The following RBFOX1 variants were observed in gnomAD, a reference collection of about 807,000 sequenced individuals.
RBFOX1 encodes the protein RNA binding protein fox-1 homolog 1.
A neutral mutation model predicts 57.7 loss-of-function variants in RBFOX1; 8 were observed. That is an observed-to-expected ratio of 0.14 (90% CI 0.08 to 0.25). RBFOX1 has a LOEUF of 0.25. Among genes scored for constraint, RBFOX1 ranks in the 10% least tolerant of loss-of-function variants. The pLI, the probability that RBFOX1 is intolerant of heterozygous loss-of-function variation, is 1.00. For synonymous variants in RBFOX1, 326 were observed against 222.4 expected (o/e 1.47, Z -4.15); for missense variants, 611 against 548.5 (o/e 1.11, Z -1.14).
intron 1 of RBFOX1, chr16:6,059,102 A>G (rs2095652919): frequency 1.3e-5 from 2 of 152,252 alleles, no homozygotes; most frequent in Admixed American, 6.5e-5. Flanking sequence ...TGTGACAGTC[A>G]TAATTTGCAT....
intron 3 of RBFOX1, among the ~76,000 whole-genome samples, chr16:6,736,839 A>G (rs539987106): frequency 6.6e-6 from 1 of 152,278 alleles, no homozygotes; most frequent in Non-Finnish European, 1.5e-5. Flanking sequence ...AGATGTGGAT[A>G]CCCTGGAAAG....
intron 1 of RBFOX1, among the ~76,000 whole-genome samples, chr16:5,313,169 A>G (rs2064137740): frequency 6.6e-6 from 1 of 152,156 alleles, no homozygotes; most frequent in Non-Finnish European, 1.5e-5. Flanking sequence ...CCGGGCAGGG[A>G]TGCTCATTAC....
At chr16:7,100,918 A>T (rs2062580426) in intron 4 of RBFOX1, among the ~76,000 whole-genome samples, 2 of 152,228 alleles carry the variant, frequency 1.3e-5, no homozygotes, top group Admixed American at 1.3e-4. Flanking sequence ...CTTTGCAAGT[A>T]CAAGGGATTT....
At position 6,483,443 on chromosome 16, in the gene RBFOX1, A is replaced by T. The variant is rs530831814; in HGVS notation, c.-64+166386A>T. The stretch of plus-strand genomic sequence containing the variant: ...TGGGTGCCGTTTGCTGTTGCCTCGG[A>T]CTTCTCCCGTGCTGTGTTTTCCCGG... On this transcript the variant is annotated intron_variant, in intron 2 of 15. Coordinates refer to ENST00000550418, the MANE Select transcript of RBFOX1 (RefSeq NM_018723.4). The T allele has an allele frequency of 9.1e-5, 139 of 1,535,604 alleles. No homozygotes were observed. In the Admixed American group the frequency reaches 1.1e-3, roughly 12 times the overall value.
At chr16:6,511,879 C>T (rs1298892611) in intron 2 of RBFOX1, among the ~76,000 whole-genome samples, 1 of 152,038 alleles carries the variant, frequency 6.6e-6, no homozygotes, top group Non-Finnish European at 1.5e-5. Flanking sequence ...GAAACCAGTG[C>T]CTGTGCAGCT....
intron 2 of RBFOX1, among the ~76,000 whole-genome samples, chr16:6,351,372 A>ATAT (rs1199701253): frequency 0.015 from 1,273 of 86,314 alleles, 31 homozygotes; most frequent in African/African-American, 0.037. Flanking sequence ...ATATATATAT[A>ATAT]TTTTTTTTTT....
chr16:7,190,772 T>C (rs1184712535), intron 4 of RBFOX1, among the ~76,000 whole-genome samples: 1 of 152,222 alleles, frequency 6.6e-6, no homozygotes, highest in Non-Finnish European at 1.5e-5. Flanking sequence ...AATTCGGGTT[T>C]ATGGCATTGC....
At chr16:6,554,625 G>A (rs762973604) in intron 2 of RBFOX1, among the ~76,000 whole-genome samples, 1 of 152,082 alleles carries the variant, frequency 6.6e-6, no homozygotes, top group Admixed American at 6.6e-5. Flanking sequence ...AGGTATGGCC[G>A]AATGGGCTTG....
chr16:7,122,808 A>G (rs998713193), intron 4 of RBFOX1, among the ~76,000 whole-genome samples: 12 of 152,204 alleles, frequency 7.9e-5, no homozygotes, highest in African/African-American at 1.7e-4. Flanking sequence ...AACAAGCCAT[A>G]TGTCTTCAAA....
At chr16:5,931,331 G>T (rs542576194) in intron 4 of RBFOX1, among the ~76,000 whole-genome samples, 1 of 152,094 alleles carries the variant, frequency 6.6e-6, no homozygotes. Flanking sequence ...ATCAAGGTGC[G>T]GGGAAAGGGG....
At chr16:6,002,121 A>C (rs1295607071) in intron 4 of RBFOX1, among the ~76,000 whole-genome samples, 3 of 152,008 alleles carry the variant, frequency 2.0e-5, no homozygotes, top group Non-Finnish European at 4.4e-5. Flanking sequence ...ACAAGCATGC[A>C]CCACCATGCC....
At chr16:7,405,855 T>C (rs2098331232) in intron 4 of RBFOX1, among the ~76,000 whole-genome samples, 1 of 152,146 alleles carries the variant, frequency 6.6e-6, no homozygotes. Context: ...ATCACAGTCC[T>C]AGGTCTGTGA....
chr16:6,096,452 G>A (rs979648222), intron 1 of RBFOX1, among the ~76,000 whole-genome samples: 4 of 152,118 alleles, frequency 2.6e-5, no homozygotes, highest in African/African-American at 7.2e-5. Flanking sequence ...CTTTAGGACT[G>A]CTGATGCCCT....
At chr16:5,349,572 C>T (rs906721229) in intron 1 of RBFOX1, among the ~76,000 whole-genome samples, 10 of 150,550 alleles carry the variant, frequency 6.6e-5, no homozygotes, top group South Asian at 2.1e-4. Context: ...ACTCAGGAGG[C>T]GGAGGCAGGA....
intron 4 of RBFOX1, among the ~76,000 whole-genome samples, chr16:6,006,473 C>A (rs940935329): frequency 6.6e-6 from 1 of 152,116 alleles, no homozygotes; most frequent in East Asian, 1.9e-4. Flanking sequence ...CATTTTGATG[C>A]AGTAACCAGA....
chr16:6,363,079 T>C (rs906746132), intron 2 of RBFOX1, among the ~76,000 whole-genome samples: 3 of 152,240 alleles, frequency 2.0e-5, no homozygotes, highest in African/African-American at 7.2e-5. Context: ...CTTGAAATTC[T>C]ACCAGAAGAA....
At position 7,693,178 on chromosome 16, in the gene RBFOX1, A is replaced by C. The variant is rs1017371911; in HGVS notation, c.996-15878A>C. 3 of 668,442 alleles carry C rather than the reference A, an allele frequency of 4.5e-6. No individual in the cohort carries two copies. The South Asian group carries it at 5.7e-5, about 13-fold the overall frequency. The allele number at this position is 668,442 out of a possible 1,614,324, so 41.4% of individuals were successfully genotyped here. On this transcript the variant is annotated intron_variant, in intron 14 of 15. Transcript: ENST00000550418. ...TCATGATCTTTCTAAACTCTGAGGT[A>C]CATCAGCACATTTCCTCGCAACATC...
At chr16:5,915,582 A>T (rs1379011548) in intron 4 of RBFOX1, among the ~76,000 whole-genome samples, 1 of 152,148 alleles carries the variant, frequency 6.6e-6, no homozygotes, top group Non-Finnish European at 1.5e-5. Context: ...CTCTAATCCC[A>T]GCACTTTGGG....
At chr16:5,953,704 T>TTATATA (rs369586168) in intron 4 of RBFOX1, among the ~76,000 whole-genome samples, 163 of 138,714 alleles carry the variant, frequency 1.2e-3, no homozygotes, top group African/African-American at 3.6e-3. Flanking sequence ...GTCTTCTGTC[T>TTATATA]TATATATATA....
Sources: gnomAD v4.1 joint callset for allele counts (sites outside exome capture counted in the v4.1 genomes callset) on GRCh38, gnomAD v4.1.1 for gene constraint, MANE v1.5 for transcripts, NCBI Gene and HGNC (gene_info 2026-07-23, HGNC 2026-07-21) for gene names.